The following XYLT1 variants were observed in gnomAD, a reference collection of about 807,000 sequenced individuals.
The protein encoded by XYLT1 is beta-D-xylosyltransferase 1.
In XYLT1, 36 loss-of-function variants were observed where a neutral mutation model predicts 91.3. The ratio of observed to expected loss-of-function variants is 0.39; its 90% CI spans 0.30 to 0.52. The LOEUF is 0.52. Among genes scored for constraint, XYLT1 ranks in the 20% least tolerant of loss-of-function variants. The probability of loss-of-function intolerance (pLI) is 0.68; values close to 1 mark genes in which losing one functional copy is unlikely to be tolerated. For missense variants in XYLT1, 1,242 were observed against 1,284.5 expected (o/e 0.97, Z 0.51); for synonymous variants, 588 against 532.0 (o/e 1.11, Z -1.45).
rs556038790 is a variant in XYLT1, at chr16:17,434,471, A to G, written c.363+35963T>C. The stretch of plus-strand genomic sequence containing the variant: ...TACTTGTCATTTCTGAAAACAAAAC[A>G]ATTATTAAGAAAAGTGAGCTATAAA... On this transcript the variant is annotated intron_variant, in intron 1 of 11. Transcript: ENST00000261381. Among the ~76,000 whole-genome samples, 9 of 152,352 alleles carry G rather than the reference A, an allele frequency of 5.9e-5. No homozygotes were observed. In the South Asian group the frequency reaches 1.9e-3, roughly 32 times the overall value.
At chr16:17,176,904 A>C in intron 5 of XYLT1, among the ~76,000 whole-genome samples, 1 of 150,668 alleles carries the variant, frequency 6.6e-6, no homozygotes, top group Non-Finnish European at 1.5e-5. Context: ...CAATCTCATC[A>C]TGGCATTTTC....
intron 8 of XYLT1, among the ~76,000 whole-genome samples, chr16:17,138,047 T>TGTATGAA (rs139780977): frequency 5.3e-5 from 8 of 151,760 alleles, no homozygotes; most frequent in African/African-American, 1.9e-4. Flanking sequence ...GAAGATGATA[T>TGTATGAA]GAGTATGGCC....
At chr16:17,266,696 G>A (rs565622499) in intron 2 of XYLT1, among the ~76,000 whole-genome samples, 5 of 152,162 alleles carry the variant, frequency 3.3e-5, no homozygotes, top group Admixed American at 1.3e-4. Flanking sequence ...ATCAGTTTAC[G>A]GCTTCCTTTT....
chr16:17,326,863 A>C (rs142525459), intron 2 of XYLT1, among the ~76,000 whole-genome samples: 5,002 of 152,138 alleles, frequency 0.033, 224 homozygotes, highest in African/African-American at 0.095. Context: ...AACACAACAA[A>C]AAAAACACAC....
At chr16:17,300,916 C>T (rs923303823) in intron 2 of XYLT1, among the ~76,000 whole-genome samples, 1 of 152,100 alleles carries the variant, frequency 6.6e-6, no homozygotes, top group Non-Finnish European at 1.5e-5. Context: ...TAGAGCAATC[C>T]ATAAGACAAT....
chr16:17,261,290 G>A (rs1248834478), intron 2 of XYLT1, among the ~76,000 whole-genome samples: 3 of 149,060 alleles, frequency 2.0e-5, no homozygotes, highest in Non-Finnish European at 4.4e-5. Context: ...CTGCTCCATT[G>A]CTCCTAGCAG....
chr16:17,450,880 C>A (rs557131461), intron 1 of XYLT1, among the ~76,000 whole-genome samples: 1 of 152,146 alleles, frequency 6.6e-6, no homozygotes, highest in Non-Finnish European at 1.5e-5. Context: ...AAATCAAACA[C>A]CTTAGGACAG....
rs28522455 is a variant in XYLT1, at chr16:17,232,154, C to T, written c.913+26834G>A. 2.8e-3 allele frequency among the ~76,000 whole-genome samples: 381 copies of T among 136,708 alleles called. 3 individuals are homozygous for T. The highest frequency in any genetic ancestry group is 5.1e-3 in the Admixed American group (67 of 13,054). 89.7% of individuals were successfully genotyped at this position (136,708 alleles called of 152,430 possible). A position where few individuals can be genotyped will look rare whatever the true frequency, so the allele number is the denominator to read the frequency against. On this transcript the variant is annotated intron_variant, in intron 3 of 11. Coordinates refer to ENST00000261381, the MANE Select transcript of XYLT1 (RefSeq NM_022166.4). ...TATATAATAGATAATAGATTATAAT[C>T]GATTATATATAATATATTATACAAT...
chr16:17,243,834 G>GAGTGAGACTGTGGATGCC (rs2033389347), intron 3 of XYLT1, among the ~76,000 whole-genome samples: 1 of 152,240 alleles, frequency 6.6e-6, no homozygotes, highest in South Asian at 2.1e-4. Flanking sequence ...TCACACCCAG[G>GAGTGAGACTGTGGATGCC]AGTGAGACTG....
In XYLT1 at chr16:17,138,533, T is replaced by TGCAGGGGAGAGAGGGACCCAGCCTGA. The variant is rs545474455; in HGVS notation, c.1588-28_1588-3dup. The TGCAGGGGAGAGAGGGACCCAGCCTGA allele has an allele frequency of 7.2e-4, 1,163 of 1,612,902 alleles. 20 individuals carry two copies. In the East Asian group the frequency reaches 0.022, roughly 30 times the overall value. On this transcript the variant is annotated splice_polypyrimidine_tract_variant and splice_region_variant and intron_variant, in intron 7 of 11. Coordinates refer to ENST00000261381, the MANE Select transcript of XYLT1 (RefSeq NM_022166.4). ...CTCCAGGACCGTATGGAAGAAGGAC[T>TGCAGGGGAGAGAGGGACCCAGCCTGA]GCAGGGGAGAGAGGGACCCAGCCTG...
intron 3 of XYLT1, among the ~76,000 whole-genome samples, chr16:17,219,337 C>G (rs1362025318): frequency 6.6e-6 from 1 of 150,958 alleles, no homozygotes; most frequent in African/African-American, 2.4e-5. Context: ...TTATCAAATG[C>G]CTGCTACTGG....
At chr16:17,465,129 G>A (rs1270964996) in intron 1 of XYLT1, among the ~76,000 whole-genome samples, 3 of 99,178 alleles carry the variant, frequency 3.0e-5, no homozygotes, top group Non-Finnish European at 5.3e-5. Flanking sequence ...GGGTGACAGA[G>A]CAAGATGCTG....
intron 1 of XYLT1, among the ~76,000 whole-genome samples, chr16:17,469,207 G>A (rs1386207591): frequency 1.3e-5 from 2 of 152,196 alleles, no homozygotes; most frequent in Non-Finnish European, 1.5e-5. Flanking sequence ...ATCACGCTGT[G>A]TACTAAGGCA....
At chr16:17,112,010 G>A (rs1307657199) in intron 11 of XYLT1, among the ~76,000 whole-genome samples, 1 of 152,172 alleles carries the variant, frequency 6.6e-6, no homozygotes, top group African/African-American at 2.4e-5. Flanking sequence ...ATTCTGCAGA[G>A]TGAGAAAGTG....
chr16:17,183,728 T>C (rs908116238), intron 5 of XYLT1, among the ~76,000 whole-genome samples: 10 of 152,180 alleles, frequency 6.6e-5, no homozygotes, highest in South Asian at 6.2e-4. Flanking sequence ...TGGCAGGTCT[T>C]AAAAGGCTTT....
intron 2 of XYLT1, among the ~76,000 whole-genome samples, chr16:17,264,090 A>T (rs1428810958): frequency 6.6e-6 from 1 of 152,184 alleles, no homozygotes; most frequent in Non-Finnish European, 1.5e-5. Flanking sequence ...TATATGCAAC[A>T]TACAGCAAAT....
At position 17,287,223 on chromosome 16, in the gene XYLT1, C is replaced by A. The variant is rs181298621; in HGVS notation, c.403-27725G>T. On this transcript the variant is annotated intron_variant, in intron 2 of 11. Coordinates refer to ENST00000261381, the MANE Select transcript of XYLT1 (RefSeq NM_022166.4). The stretch of plus-strand genomic sequence containing the variant: ...CTAGTTTTTCATCATGTAGATGCTC[C>A]ATCACCCACTCAGACACCACTCCCC... Among the ~76,000 whole-genome samples the A allele has an allele frequency of 2.8e-4, 42 of 152,182 alleles. No homozygotes were observed. In the East Asian group the frequency reaches 8.1e-3, roughly 29 times the overall value.
chr16:17,162,272 T>G (rs2031573240), intron 5 of XYLT1, among the ~76,000 whole-genome samples: 1 of 151,956 alleles, frequency 6.6e-6, no homozygotes, highest in South Asian at 2.1e-4. Context: ...TAGCCAGGTG[T>G]GGGCATGTAC....
intron 7 of XYLT1, among the ~76,000 whole-genome samples, chr16:17,140,197 T>C (rs779167288): frequency 1.3e-5 from 2 of 152,184 alleles, no homozygotes; most frequent in Admixed American, 6.5e-5. Flanking sequence ...TCCCCACTTC[T>C]AGATGGGGCT....
Sources: gnomAD v4.1 joint callset for allele counts (sites outside exome capture counted in the v4.1 genomes callset) on GRCh38, gnomAD v4.1.1 for gene constraint, MANE v1.5 for transcripts, NCBI Gene and HGNC (gene_info 2026-07-23, HGNC 2026-07-21) for gene names.